TFEB: variants seen among roughly 807,000 people sequenced by gnomAD.
The protein encoded by TFEB is transcription factor EB, also known as T-cell transcription factor EB.
TFEB carries 12 observed loss-of-function variants against 48.0 expected under a neutral mutation model. The ratio of observed to expected loss-of-function variants is 0.25; its 90% confidence interval spans 0.16 to 0.40. The LOEUF is 0.40. Among genes scored for constraint, TFEB ranks in the 10% least tolerant of loss-of-function variants. The pLI, the probability that TFEB is intolerant of heterozygous loss-of-function variation, is 1.00. For missense variants in TFEB, 509 were observed against 640.3 expected, an observed-to-expected ratio of 0.79 and a Z score of 2.21; for synonymous variants, 244 against 261.4, an observed-to-expected ratio of 0.93 and a Z score of 0.64.
chr6:41,693,245 G>A (rs1193397239), intron 1 of TFEB, among the ~76,000 whole-genome samples: 1 of 152,082 alleles, frequency 6.6e-6, no homozygotes, highest in African/African-American at 2.4e-5. Context: ...AAAAAGAACT[G>A]GCAAATATTC....
chr6:41,734,465 G>C lies in TFEB; in HGVS notation c.-23+885C>G, dbSNP rs1408921631. On this transcript the variant is annotated intron_variant, in intron 1 of 8. Coordinates refer to ENST00000373033, the MANE Select transcript of TFEB (RefSeq NM_001271944.2). This position sits in a 1 kb window ranked among gnomAD's most constrained non-coding sequence, Gnocchi z 4.0. Reference sequence around the variant, plus strand: ...CCCGCTCCCTTCCAGGAGGCGAGCGGACGCGCTGGGCCAGAGCTGGTCGGG... The same window carrying C: ...CCCGCTCCCTTCCAGGAGGCGAGCGCACGCGCTGGGCCAGAGCTGGTCGGG... 3 of 827,024 alleles carry C rather than the reference G, an allele frequency of 3.6e-6. No individual in the cohort carries two copies. In the African/African-American group the frequency reaches 5.6e-5, roughly 15 times the overall value. 51.2% of individuals were successfully genotyped at this position (827,024 alleles called of 1,614,324 possible). A position where few individuals can be genotyped will look rare whatever the true frequency, so the allele number is the denominator to read the frequency against.
At chr6:41,686,038 G>A in intron 8 of TFEB, 52 bp downstream of exon 8, 3 of 1,610,796 alleles carry the variant, frequency 1.9e-6, no homozygotes, top group Non-Finnish European at 2.5e-6. Flanking sequence ...TTAGGGCCAG[G>A]AGCCAGGTTA....
intron 1 of TFEB, chr6:41,733,219 G>T: frequency 4.5e-6 from 1 of 224,190 alleles, no homozygotes; most frequent in Non-Finnish European, 7.5e-6. Context: ...GACAGCGCAC[G>T]TGGGACCCTG....
rs928842203 is a variant in TFEB at position 41,720,109 on chromosome 6, A to G, written c.-23+15241T>C. On this transcript the variant is annotated intron_variant, in intron 1 of 8. Transcript: ENST00000373033. This position sits in a 1 kb window ranked among gnomAD's most constrained non-coding sequence, Gnocchi z 4.1. ...CTGGGCTCTGTGCTCAGTGGGTTGG[A>G]AGCCACCCACAGCCTCCTGAAAACT... Among the ~76,000 whole-genome samples, 1 of 152,154 alleles carries G rather than the reference A, an allele frequency of 6.6e-6. No homozygotes were observed. The highest frequency in any genetic ancestry group is 1.5e-5 in the Non-Finnish European group (1 of 68,016).
chr6:41,730,809 T>C lies in TFEB; in HGVS notation c.-23+4541A>G, dbSNP rs1771418547. ...GGGGACAGCCACAGCTAGGAGTGCA[T>C]GGTCAGTGGCCAGGCCAGATGCTAC... On this transcript the variant is annotated intron_variant, in intron 1 of 8. Coordinates refer to ENST00000373033, the MANE Select transcript of TFEB (RefSeq NM_001271944.2). The surrounding 1 kb of genome is among the most constrained non-coding windows in gnomAD (Gnocchi z 4.1). Among the ~76,000 whole-genome samples the C allele has an allele frequency of 6.6e-6, 1 of 152,162 alleles. No homozygotes were observed. Among genetic ancestry groups the C allele is most frequent in the South Asian group, 2.1e-4 (1 of 4,834 alleles).
intron 1 of TFEB, among the ~76,000 whole-genome samples, chr6:41,697,754 G>C (rs1027729251): frequency 7.2e-5 from 11 of 152,180 alleles, no homozygotes; most frequent in Admixed American, 6.5e-4. Context: ...CCAGTTATAG[G>C]ATAGTTAAAT....
intron 1 of TFEB, among the ~76,000 whole-genome samples, chr6:41,703,810 T>G (rs1198180006): frequency 6.6e-6 from 1 of 152,228 alleles, no homozygotes; most frequent in Non-Finnish European, 1.5e-5. Context: ...GATTTAATCC[T>G]CACCACAGCT....
At chr6:41,704,717 A>T (rs1770114598) in intron 1 of TFEB, among the ~76,000 whole-genome samples, 1 of 152,194 alleles carries the variant, frequency 6.6e-6, no homozygotes, top group African/African-American at 2.4e-5. Flanking sequence ...GGTTCCAAGC[A>T]TGAAAATTGG....
intron 4 of TFEB, among the ~76,000 whole-genome samples, 169 bp downstream of exon 4, chr6:41,689,562 T>C (rs1287610052): frequency 4.6e-5 from 7 of 152,216 alleles, no homozygotes; most frequent in Non-Finnish European, 8.8e-5. Context: ...ATAATTCCTC[T>C]TGGCCCCGGC....
chr6:41,704,769 T>G (rs1581905305), intron 1 of TFEB, among the ~76,000 whole-genome samples: 1 of 150,272 alleles, frequency 6.7e-6, no homozygotes, highest in Admixed American at 6.6e-5. Flanking sequence ...AGGCCCCTGG[T>G]GGAAGCACAG....
intron 1 of TFEB, among the ~76,000 whole-genome samples, chr6:41,729,074 C>T (rs191577925): frequency 6.6e-6 from 1 of 152,010 alleles, no homozygotes; most frequent in Non-Finnish European, 1.5e-5. Context: ...GCTCAGACAC[C>T]AATCTCGCCC....
Position 41,734,810 on chromosome 6 carries a change from T to C in TFEB, c.-23+540A>G. On this transcript the variant is annotated intron_variant, in intron 1 of 8. Coordinates refer to ENST00000373033, the MANE Select transcript of TFEB (RefSeq NM_001271944.2). This position sits in a 1 kb window ranked among gnomAD's most constrained non-coding sequence, Gnocchi z 4.0. Reference sequence around the variant, plus strand: ...GATGGTACTTCCACCCGCCCCCCCATCAGCCCAGCCCCCGGGGCGTGGCGC... The same window carrying C: ...GATGGTACTTCCACCCGCCCCCCCACCAGCCCAGCCCCCGGGGCGTGGCGC... 1.5e-6 allele frequency: 1 copy of C among 657,324 alleles called. No individual in the cohort carries two copies. Among genetic ancestry groups the C allele is most frequent in the Non-Finnish European group, 1.9e-6 (1 of 532,368 alleles). The allele number at this position is 657,324 out of a possible 1,614,324, so 40.7% of individuals were successfully genotyped here. A position where few individuals can be genotyped will look rare whatever the true frequency, so the allele number is the denominator to read the frequency against.
intron 1 of TFEB, among the ~76,000 whole-genome samples, chr6:41,712,115 G>A (rs185657300): frequency 6.6e-6 from 1 of 152,244 alleles, no homozygotes; most frequent in Admixed American, 6.5e-5. Context: ...GGTAGAGCAG[G>A]GAAACTGAGG....
At position 41,724,322 on chromosome 6, in the gene TFEB, C is replaced by T. The variant is rs1036581627; in HGVS notation, c.-23+11028G>A. 1.3e-5 allele frequency among the ~76,000 whole-genome samples: 2 copies of T among 152,172 alleles called. No homozygotes were observed. The highest frequency in any genetic ancestry group is 1.9e-4 in the East Asian group (1 of 5,198). On this transcript the variant is annotated intron_variant, in intron 1 of 8. Coordinates refer to ENST00000373033, the MANE Select transcript of TFEB (RefSeq NM_001271944.2). The surrounding 1 kb of genome is among the most constrained non-coding windows in gnomAD (Gnocchi z 4.4). ...GTATTAAGAAAGGTTAAGCTATTAT[C>T]GGTCGTCTGCGTCTCAGGGTGGATG...
Position 41,711,340 on chromosome 6 carries a change from A to G in TFEB, c.-22-20105T>C, listed in dbSNP as rs569706388. On this transcript the variant is annotated intron_variant, in intron 1 of 8. Coordinates refer to ENST00000373033, the MANE Select transcript of TFEB (RefSeq NM_001271944.2). ...GGCTCCAGGTAGAGGACACTCGGAC[A>G]TGGCCCTCTGGGCTCAACGTCCCCA... 1.9e-3 allele frequency among the ~76,000 whole-genome samples: 292 copies of G among 152,348 alleles called. 3 individuals carry two copies. Among genetic ancestry groups the G allele is most frequent in the Non-Finnish European group, 2.5e-3 (170 of 68,030 alleles).
At chr6:41,714,167 A>G (rs1288268907) in intron 1 of TFEB, among the ~76,000 whole-genome samples, 2 of 137,508 alleles carry the variant, frequency 1.5e-5, no homozygotes, top group African/African-American at 3.2e-5. Context: ...ATGCGTGTGC[A>G]TGTGTGCGTG....
At chr6:41,727,544 T>C (rs555084406) in intron 1 of TFEB, among the ~76,000 whole-genome samples, 1 of 152,184 alleles carries the variant, frequency 6.6e-6, no homozygotes, top group Non-Finnish European at 1.5e-5. Flanking sequence ...TTTTAAAAAT[T>C]AGCCAGGTGT....
At position 41,684,334 on chromosome 6, in the gene TFEB, T is replaced by C. The variant is rs540498226; in HGVS notation, c.*265A>G. On this transcript the variant is annotated 3_prime_UTR_variant, in exon 9 of 9. Coordinates refer to ENST00000373033, the MANE Select transcript of TFEB (RefSeq NM_001271944.2). ...TCTCACCTCTAGAACACCCTGCCCC[T>C]CCCTGCCCCGCGATTCCATCTCCGG... 3.6e-5 allele frequency: 14 copies of C among 385,858 alleles called. No homozygotes were observed. Among genetic ancestry groups the C allele is most frequent in the Admixed American group, 1.8e-4 (4 of 21,994 alleles). 23.9% of individuals were successfully genotyped at this position (385,858 alleles called of 1,614,324 possible).
chr6:41,712,655 G>A (rs1283790425), intron 1 of TFEB, among the ~76,000 whole-genome samples: 4 of 152,196 alleles, frequency 2.6e-5, no homozygotes, highest in African/African-American at 9.7e-5. Flanking sequence ...CACTGGCAGG[G>A]GCTGCTGAGG....
Sources: allele counts gnomAD v4.1 joint callset (sites outside exome capture counted in the v4.1 genomes callset), GRCh38; gene constraint gnomAD v4.1.1; non-coding constraint Gnocchi (gnomAD v3.1); transcripts MANE v1.5; gene names NCBI Gene and HGNC (gene_info 2026-07-23, HGNC 2026-07-21).